TNN: variants seen among roughly 807,000 people sequenced by gnomAD.
The protein encoded by TNN is tenascin N.
TNN carries 122 observed loss-of-function variants against 134.4 expected under a neutral mutation model. That is an observed-to-expected ratio of 0.91 (90% CI 0.78 to 1.06). The LOEUF (loss-of-function observed/expected upper bound fraction) is 1.06. Among genes scored for constraint, TNN ranks in the 50% least tolerant of loss-of-function variants. TNN has a pLI of 0.00. For missense variants in TNN, 1,739 were observed against 1,699.4 expected (o/e 1.02, Z -0.41); for synonymous variants, 710 against 670.3 (o/e 1.06, Z -0.91).
At chr1:175,104,107 C>A (rs1262884721) in intron 9 of TNN, among the ~76,000 whole-genome samples, 1 of 146,030 alleles carries the variant, frequency 6.8e-6, no homozygotes, top group Admixed American at 6.9e-5. Context: ...GTGAAAAGAG[C>A]AAAGTCTCCC....
chr1:175,123,554 C>T lies in TNN; in HGVS notation c.2805C>T (p.His935=). The T allele has an allele frequency of 1.2e-6, 2 of 1,614,044 alleles. No homozygotes were observed. Among genetic ancestry groups the T allele is most frequent in the Non-Finnish European group, 1.7e-6 (2 of 1,179,930 alleles). ...GGGAGGTTCCGGTGGGGAAGGAGCA[C>T]AGCAGCACTGTCCTGACGGGCCTGA... is the stretch of plus-strand genomic sequence containing the variant. ...ETREVPVGKE[H]SSTVLTGLRP... Residue 935 remains histidine, a synonymous_variant, in exon 12 of 19, where the codon CAC becomes CAT. Transcript: ENST00000239462.
rs543247181 is a variant in TNN at position 175,136,795 on chromosome 1, A to T, written c.3428-26A>T. ...ACTCGCACACATGGGTTGATTGATT[A>T]TTGGAATTCCGTTTTTTATTTTTAG... On this transcript the variant is annotated intron_variant, in intron 16 of 18. Coordinates refer to ENST00000239462, the MANE Select transcript of TNN (RefSeq NM_022093.2). The T allele has an allele frequency of 1.3e-5, 21 of 1,608,222 alleles. No homozygotes were observed. In the African/African-American group the frequency reaches 1.9e-4, roughly 14 times the overall value.
Position 175,079,361 on chromosome 1 carries a change from G to A in TNN, c.438G>A (p.Gly146=). ...TDLSRHCSGH[G]TFSLETCSCH... ...TAAGCCGCCACTGCAGCGGCCACGGGACCTTCTCCCTGGAGACCTGCAGCT... is the reference window on the plus strand; with the variant it reads ...TAAGCCGCCACTGCAGCGGCCACGGAACCTTCTCCCTGGAGACCTGCAGCT... Residue 146 remains glycine (G), a synonymous_variant, in exon 3 of 19, where the codon GGG becomes GGA. Transcript: ENST00000239462. 1 of 1,596,442 alleles carries A rather than the reference G, an allele frequency of 6.3e-7. No individual in the cohort carries two copies. The highest frequency in any genetic ancestry group is 8.5e-7 in the Non-Finnish European group (1 of 1,176,752).
chr1:175,084,685 C>T (rs886892514), intron 5 of TNN, among the ~76,000 whole-genome samples: 4 of 152,200 alleles, frequency 2.6e-5, no homozygotes, highest in South Asian at 2.1e-4. Context: ...CTTGACAGGA[C>T]ATTTTGGGGT....
chr1:175,144,695 C>A (rs1019449619), intron 18 of TNN, 145 bp downstream of exon 18: 2 of 906,638 alleles, frequency 2.2e-6, no homozygotes, highest in Admixed American at 2.9e-5. Context: ...GGCTCCATGG[C>A]CTTGAGGTCG....
chr1:175,146,664 C>G (rs558338362), intron 18 of TNN, among the ~76,000 whole-genome samples: 3 of 152,172 alleles, frequency 2.0e-5, no homozygotes, highest in African/African-American at 7.2e-5. Flanking sequence ...GGCTCACACC[C>G]CCTTGCTCCC....
chr1:175,101,959 C>T (rs1410967498), intron 9 of TNN, among the ~76,000 whole-genome samples: 3 of 134,894 alleles, frequency 2.2e-5, no homozygotes, highest in African/African-American at 8.1e-5. Flanking sequence ...ACATAAAGGT[C>T]CTCCACGTCC....
intron 11 of TNN, among the ~76,000 whole-genome samples, chr1:175,119,758 C>A (rs1455649257): frequency 6.6e-6 from 1 of 151,842 alleles, no homozygotes; most frequent in Non-Finnish European, 1.5e-5. Context: ...CCTCAGCCTC[C>A]CAAGTAGCTG....
At position 175,094,070 on chromosome 1, in the gene TNN, G is replaced by A. The variant is rs1351814513; in HGVS notation, c.1405G>A (p.Val469Ile). The change falls in exon 7 of 19, where the codon GTC becomes ATC. Residue 469 changes from valine (V) to isoleucine (I), a missense_variant. Physicochemically the swap from Val to Ile is conservative, Grantham distance 29. Coordinates refer to ENST00000239462, the MANE Select transcript of TNN (RefSeq NM_022093.2). Reference sequence around the variant, plus strand: ...TGTCTCCTGGGACCCAGTGCAGGCTGTCATAGACAAGTATGTAGTGCGCTA... The same window carrying A: ...TGTCTCCTGGGACCCAGTGCAGGCTATCATAGACAAGTATGTAGTGCGCTA... ...ATVSWDPVQA[V>I]IDKYVVRYTS... 1.2e-6 allele frequency: 2 copies of A among 1,614,062 alleles called. No homozygotes were observed. The highest frequency in any genetic ancestry group is 1.7e-5 in the Admixed American group (1 of 60,008).
At chr1:175,117,537 A>G (rs1055928008) in intron 10 of TNN, among the ~76,000 whole-genome samples, 9 of 152,202 alleles carry the variant, frequency 5.9e-5, no homozygotes, top group Admixed American at 6.5e-5. Context: ...AAATTTTGTT[A>G]ATAATAATAG....
At chr1:175,145,648 T>C (rs1318175624) in intron 18 of TNN, among the ~76,000 whole-genome samples, 1 of 149,540 alleles carries the variant, frequency 6.7e-6, no homozygotes, top group African/African-American at 2.5e-5. Flanking sequence ...TTGGATCCAC[T>C]TCACCCAAAA....
chr1:175,101,277 G>A (rs1674715394), intron 9 of TNN, among the ~76,000 whole-genome samples: 2 of 152,028 alleles, frequency 1.3e-5, no homozygotes, highest in South Asian at 2.1e-4. Flanking sequence ...AGACCTTCGC[G>A]GTGAGTGTTA....
In TNN at chr1:175,123,578, G is replaced by C. The variant is rs1359003752; in HGVS notation, c.2829G>C (p.Leu943=). ...KEHSSTVLTG[L]RPGMEYMVHV... is the part of the protein sequence containing the mutation. Reference sequence around the variant, plus strand: ...ACAGCAGCACTGTCCTGACGGGCCTGAGACCAGGCATGGAGTACATGGTGC... The same window carrying C: ...ACAGCAGCACTGTCCTGACGGGCCTCAGACCAGGCATGGAGTACATGGTGC... Residue 943 remains leucine, a synonymous_variant, in exon 12 of 19, where the codon CTG becomes CTC. Transcript: ENST00000239462. 2.5e-6 allele frequency: 4 copies of C among 1,614,094 alleles called. No individual in the cohort carries two copies. In the East Asian group the frequency reaches 8.9e-5, roughly 36 times the overall value.
At chr1:175,074,437 A>G (rs566589225) in intron 1 of TNN, among the ~76,000 whole-genome samples, 1 of 141,538 alleles carries the variant, frequency 7.1e-6, no homozygotes, top group Non-Finnish European at 1.5e-5. Context: ...GTGAGCCGTG[A>G]TTGTGCCAAT....
intron 2 of TNN, 61 bp downstream of exon 2, chr1:175,077,888 G>T: frequency 6.6e-7 from 1 of 1,512,734 alleles, no homozygotes; most frequent in African/African-American, 1.4e-5. Context: ...TATGTGCCAG[G>T]GTTTCCACTA....
chr1:175,081,484 T>C (rs1235735161), intron 4 of TNN, among the ~76,000 whole-genome samples: 1 of 152,190 alleles, frequency 6.6e-6, no homozygotes, highest in Non-Finnish European at 1.5e-5. Context: ...TCTAGGAAGA[T>C]ACAGATGGAT....
At chr1:175,123,801 T>C in intron 12 of TNN, 138 bp downstream of exon 12, 1 of 1,273,936 alleles carries the variant, frequency 7.8e-7, no homozygotes, top group Non-Finnish European at 1.1e-6. Flanking sequence ...CTTTTTTACG[T>C]CTTTGAGCTA....
chr1:175,116,865 A>T, intron 9 of TNN, 74 bp from the exon 10 acceptor site: 1 of 1,604,370 alleles, frequency 6.2e-7, no homozygotes, highest in African/African-American at 1.3e-5. Context: ...CTGCCTTACC[A>T]CAAGTAAAAT....
At chr1:175,139,213 T>G (rs1675889883) in intron 17 of TNN, among the ~76,000 whole-genome samples, 2 of 152,224 alleles carry the variant, frequency 1.3e-5, no homozygotes, top group African/African-American at 4.8e-5. Flanking sequence ...TAACCTTATC[T>G]TATTGTAACT....
Sources: allele counts gnomAD v4.1 joint callset (sites outside exome capture counted in the v4.1 genomes callset), GRCh38; gene constraint gnomAD v4.1.1; transcripts MANE v1.5; gene names NCBI Gene and HGNC (gene_info 2026-07-23, HGNC 2026-07-21).